The following DKK2 variants were observed in gnomAD, a reference collection of about 807,000 sequenced individuals.
The protein encoded by DKK2 is dickkopf-related protein 2.
Under a neutral mutation model 28.1 loss-of-function variants are expected in DKK2, and 11 were observed. The observed-to-expected ratio is 0.39, with a 90% CI of 0.25 to 0.65. The LOEUF (loss-of-function observed/expected upper bound fraction) is 0.65, where lower values mean the gene tolerates loss of function less well. Ranked by LOEUF, DKK2 falls within the 30% of genes least tolerant of loss-of-function variation. DKK2 has a pLI of 0.47. For synonymous variants in DKK2, 135 were observed against 126.5 expected, an observed-to-expected ratio of 1.07 and a Z score of -0.45; for missense variants, 326 against 335.5, an observed-to-expected ratio of 0.97 and a Z score of 0.22.
chr4:106,986,076 T>G (rs1198000398), intron 1 of DKK2, among the ~76,000 whole-genome samples: 1 of 152,140 alleles, frequency 6.6e-6, no homozygotes, highest in Non-Finnish European at 1.5e-5. Context: ...CAGATTCAAT[T>G]TAATGCCCAC....
chr4:107,012,732 G>C (rs1723534159), intron 1 of DKK2, among the ~76,000 whole-genome samples: 1 of 150,926 alleles, frequency 6.6e-6, no homozygotes, highest in Admixed American at 6.6e-5. Context: ...CTCTAATACT[G>C]TTTATCATGA....
At chr4:106,969,923 T>C (rs184846701) in intron 1 of DKK2, among the ~76,000 whole-genome samples, 1 of 152,062 alleles carries the variant, frequency 6.6e-6, no homozygotes, top group East Asian at 1.9e-4. Context: ...ACTACAGACC[T>C]GGCTGGGAAG....
chr4:106,932,206 C>T (rs568114335), intron 1 of DKK2, among the ~76,000 whole-genome samples: 13 of 152,100 alleles, frequency 8.5e-5, no homozygotes, highest in South Asian at 2.1e-4. Context: ...GTTTTTGATA[C>T]GAAAGATCAG....
chr4:106,992,536 G>T (rs1329127897), intron 1 of DKK2, among the ~76,000 whole-genome samples: 1 of 152,198 alleles, frequency 6.6e-6, no homozygotes, highest in African/African-American at 2.4e-5. Context: ...TGAAGATAGG[G>T]ATTGTATATG....
intron 1 of DKK2, among the ~76,000 whole-genome samples, chr4:107,005,450 A>C (rs905322860): frequency 6.6e-6 from 1 of 152,040 alleles, no homozygotes; most frequent in Non-Finnish European, 1.5e-5. Context: ...AAAAAATATA[A>C]TTTTTTTAAA....
At chr4:107,027,750 A>G (rs919367710) in intron 1 of DKK2, among the ~76,000 whole-genome samples, 12 of 129,056 alleles carry the variant, frequency 9.3e-5, no homozygotes, top group African/African-American at 3.1e-4. Context: ...ACCTCCACCT[A>G]TTATGATTTT....
At chr4:106,955,051 C>A (rs1020047954) in intron 1 of DKK2, among the ~76,000 whole-genome samples, 1 of 152,108 alleles carries the variant, frequency 6.6e-6, no homozygotes, top group Admixed American at 6.6e-5. Context: ...AACAGGGCAA[C>A]TTCACGTCTT....
intron 1 of DKK2, among the ~76,000 whole-genome samples, chr4:106,973,927 G>A (rs539374677): frequency 4.4e-4 from 67 of 152,252 alleles, no homozygotes; most frequent in African/African-American, 1.6e-3. Flanking sequence ...GTGTAAGGAA[G>A]GGGTCCGGTT....
chr4:106,951,750 T>C (rs1405349557), intron 1 of DKK2, among the ~76,000 whole-genome samples: 1 of 152,162 alleles, frequency 6.6e-6, no homozygotes, highest in East Asian at 1.9e-4. Flanking sequence ...AAAGCAAGTA[T>C]GCAAAAATGT....
At position 106,923,841 on chromosome 4, in the gene DKK2, C is replaced by T; in HGVS notation, c.*113G>A. The T allele has an allele frequency of 2.9e-6, 4 of 1,398,458 alleles. No individual in the cohort carries two copies. The highest frequency in any genetic ancestry group is 3.9e-6 in the Non-Finnish European group (4 of 1,024,364). 86.6% of individuals were successfully genotyped at this position (1,398,458 alleles called of 1,614,324 possible). On this transcript the variant is annotated 3_prime_UTR_variant, in exon 4 of 4. Coordinates refer to ENST00000285311, the MANE Select transcript of DKK2 (RefSeq NM_014421.3). The stretch of plus-strand genomic sequence containing the variant: ...TTTTTGTGATCATCTATATTCTTAT[C>T]ACGTTTCTTATTTTAGCCATTCTTC...
intron 1 of DKK2, among the ~76,000 whole-genome samples, chr4:106,948,715 G>T (rs1724814391): frequency 6.6e-6 from 1 of 152,112 alleles, no homozygotes; most frequent in African/African-American, 2.4e-5. Context: ...TCCTATCGTG[G>T]GTCTGGCACA....
intron 1 of DKK2, among the ~76,000 whole-genome samples, chr4:106,930,780 T>G (rs1336155885): frequency 2.0e-5 from 3 of 151,986 alleles, no homozygotes; most frequent in Non-Finnish European, 4.4e-5. Context: ...GACCCAGCTG[T>G]GGGAATGAAA....
chr4:107,008,703 A>G (rs1209779583), intron 1 of DKK2, among the ~76,000 whole-genome samples: 1 of 152,018 alleles, frequency 6.6e-6, no homozygotes, highest in East Asian at 1.9e-4. Context: ...TCCTATACAC[A>G]GGGATACCTA....
intron 1 of DKK2, among the ~76,000 whole-genome samples, chr4:107,034,986 C>T (rs900623147): frequency 6.6e-6 from 1 of 152,150 alleles, no homozygotes; most frequent in African/African-American, 2.4e-5. Flanking sequence ...ATATGTAAAA[C>T]GCTTAGAACT....
intron 1 of DKK2, among the ~76,000 whole-genome samples, chr4:106,949,524 G>A (rs1339105102): frequency 6.6e-6 from 1 of 152,072 alleles, no homozygotes; most frequent in East Asian, 1.9e-4. Flanking sequence ...ATGATGTCTG[G>A]CTTTAAGCAA....
chr4:107,013,806 A>G (rs1417081470), intron 1 of DKK2, among the ~76,000 whole-genome samples: 1 of 151,582 alleles, frequency 6.6e-6, no homozygotes, highest in African/African-American at 2.4e-5. Flanking sequence ...CAGGGGGTTG[A>G]TATTTAGACT....
intron 1 of DKK2, among the ~76,000 whole-genome samples, chr4:106,958,837 CAAA>C (rs767389620): frequency 7.5e-5 from 5 of 66,994 alleles, no homozygotes; most frequent in African/African-American, 4.5e-5. Flanking sequence ...AACTCAATCT[CAAA>C]AAAAAAAAAA....
intron 1 of DKK2, among the ~76,000 whole-genome samples, chr4:106,962,832 GGA>G (rs1291908621): frequency 6.6e-6 from 1 of 151,722 alleles, no homozygotes; most frequent in Non-Finnish European, 1.5e-5. Context: ...ACGTAGAATA[GGA>G]TAAAATATTA....
rs150524304 is a variant in DKK2, at chr4:106,985,950, G to C, written c.222+49420C>G. On this transcript the variant is annotated intron_variant, in intron 1 of 3. Coordinates refer to ENST00000285311, the MANE Select transcript of DKK2 (RefSeq NM_014421.3). ...AGGCAAGAAGAAAGAAGAAAGGAAG[G>C]GAGGAAGGCAAGAAATCTCACCAGG... Among the ~76,000 whole-genome samples the C allele has an allele frequency of 1.4e-4, 22 of 152,080 alleles. No homozygotes were observed. The East Asian group carries it at 1.5e-3, about 11-fold the overall frequency.
Sources: allele counts gnomAD v4.1 joint callset (sites outside exome capture counted in the v4.1 genomes callset), GRCh38; gene constraint gnomAD v4.1.1; transcripts MANE v1.5; gene names NCBI Gene and HGNC (gene_info 2026-07-23, HGNC 2026-07-21).